Variants in GMDS observed in about 807,000 individuals in gnomAD.
GMDS encodes the protein GDP-mannose 4,6-dehydratase.
In GMDS, 20 loss-of-function variants were observed where a neutral mutation model predicts 49.9. The ratio of observed to expected loss-of-function variants is 0.40; its 90% confidence interval spans 0.28 to 0.58. GMDS has a LOEUF of 0.58. GMDS is among the 20% of genes least tolerant of loss of function. The pLI is 0.42. For missense variants in GMDS, 362 were observed against 481.4 expected (o/e 0.75, Z 2.32); for synonymous variants, 177 against 178.6 (o/e 0.99, Z 0.07).
intron 1 of GMDS, among the ~76,000 whole-genome samples, chr6:2,159,305 C>G (rs1007572345): frequency 1.3e-5 from 2 of 152,020 alleles, no homozygotes; most frequent in African/African-American, 4.8e-5. Context: ...TGCTAATTGC[C>G]TACTCTTGGG....
intron 7 of GMDS, among the ~76,000 whole-genome samples, chr6:1,756,356 C>T (rs943069281): frequency 5.3e-5 from 8 of 151,946 alleles, no homozygotes; most frequent in African/African-American, 1.2e-4. Flanking sequence ...CTCCGCCTCC[C>T]GTGTTCAAGC....
At chr6:2,121,532 A>T (rs967532138) in intron 2 of GMDS, among the ~76,000 whole-genome samples, 2 of 152,208 alleles carry the variant, frequency 1.3e-5, no homozygotes, top group African/African-American at 4.8e-5. Context: ...CATTCAGAGC[A>T]TGATCAGATG....
chr6:2,066,411 A>G (rs905636005), intron 4 of GMDS, among the ~76,000 whole-genome samples: 1 of 142,920 alleles, frequency 7.0e-6, no homozygotes, highest in Non-Finnish European at 1.5e-5. Flanking sequence ...AAATTCACAC[A>G]TAACAATATT....
intron 1 of GMDS, among the ~76,000 whole-genome samples, chr6:2,228,005 G>A (rs1780896329): frequency 6.6e-6 from 1 of 152,216 alleles, no homozygotes; most frequent in Non-Finnish European, 1.5e-5. Flanking sequence ...TCTACGCAGT[G>A]AAGTACAAGG....
chr6:1,707,088 G>A (rs1765766088), intron 9 of GMDS, among the ~76,000 whole-genome samples: 1 of 152,200 alleles, frequency 6.6e-6, no homozygotes, highest in African/African-American at 2.4e-5. Context: ...GGATAACAGA[G>A]TAGTATTTTA....
At chr6:1,740,429 T>C (rs1767224388) in intron 8 of GMDS, among the ~76,000 whole-genome samples, 1 of 151,994 alleles carries the variant, frequency 6.6e-6, no homozygotes, top group East Asian at 1.9e-4. Flanking sequence ...TGGTGGTCCA[T>C]GCCTGTAATC....
At chr6:1,821,716 C>T (rs997314602) in intron 7 of GMDS, among the ~76,000 whole-genome samples, 2 of 140,220 alleles carry the variant, frequency 1.4e-5, no homozygotes, top group East Asian at 4.6e-4. Context: ...CAAAACATAA[C>T]TGTGACATAA....
At chr6:2,099,295 G>C (rs1170186958) in intron 4 of GMDS, among the ~76,000 whole-genome samples, 3 of 152,122 alleles carry the variant, frequency 2.0e-5, no homozygotes, top group Non-Finnish European at 4.4e-5. Context: ...TTGTACTTGA[G>C]TGAAAGTACA....
At chr6:1,980,426 A>T (rs1279259663) in intron 4 of GMDS, among the ~76,000 whole-genome samples, 1 of 104,584 alleles carries the variant, frequency 9.6e-6, no homozygotes, top group Non-Finnish European at 2.3e-5. Context: ...TTAAACCAAC[A>T]AAGATTAAAA....
intron 7 of GMDS, among the ~76,000 whole-genome samples, chr6:1,916,338 G>C (rs982779666): frequency 1.3e-5 from 2 of 152,090 alleles, no homozygotes; most frequent in Non-Finnish European, 2.9e-5. Context: ...TCACGTGCGG[G>C]GGTGGGGGGC....
chr6:1,877,327 T>C lies in GMDS; in HGVS notation c.771+52776A>G, dbSNP rs147867142. Among the ~76,000 whole-genome samples, 234 of 152,146 alleles carry C rather than the reference T, an allele frequency of 1.5e-3. 1 individual carries two copies. Among genetic ancestry groups the C allele is most frequent in the African/African-American group, 5.1e-3 (213 of 41,488 alleles). On this transcript the variant is annotated intron_variant, in intron 7 of 10. Transcript: ENST00000380815. ...TAGATATCCATTAAAAAGTGCATTTTGGAGGAAAAATTTACAATTAAGATA... is the reference window on the plus strand; with the variant it reads ...TAGATATCCATTAAAAAGTGCATTTCGGAGGAAAAATTTACAATTAAGATA...
chr6:1,815,082 T>C (rs1561821573), intron 7 of GMDS, among the ~76,000 whole-genome samples: 1 of 152,210 alleles, frequency 6.6e-6, no homozygotes. Flanking sequence ...AATTCTGCTG[T>C]GGGTTAATCT....
At chr6:2,239,807 T>A (rs111602883) in intron 1 of GMDS, among the ~76,000 whole-genome samples, 6,233 of 151,968 alleles carry the variant, frequency 0.041, 420 homozygotes, top group African/African-American at 0.14. Context: ...TGCCTCAGCC[T>A]CCCAAGCAGC....
intron 7 of GMDS, among the ~76,000 whole-genome samples, chr6:1,795,015 C>A (rs1248799556): frequency 6.6e-6 from 1 of 152,016 alleles, no homozygotes; most frequent in Non-Finnish European, 1.5e-5. Flanking sequence ...CATAGCGAAG[C>A]CCCATCTCTA....
chr6:2,045,396 T>TC (rs759589865), intron 4 of GMDS, among the ~76,000 whole-genome samples: 11 of 151,952 alleles, frequency 7.2e-5, no homozygotes, highest in Non-Finnish European at 1.5e-4. Context: ...TTTTTCAGGT[T>TC]CTTTTTTTTT....
intron 7 of GMDS, among the ~76,000 whole-genome samples, chr6:1,896,427 G>A (rs914927388): frequency 2.6e-5 from 4 of 152,180 alleles, no homozygotes; most frequent in African/African-American, 7.2e-5. Context: ...GTCCTCACAC[G>A]AAGGACCTCA....
At chr6:1,739,542 C>T (rs1017410561) in intron 8 of GMDS, among the ~76,000 whole-genome samples, 56 of 152,382 alleles carry the variant, frequency 3.7e-4, no homozygotes, top group African/African-American at 1.3e-3. Context: ...TCCTCACACC[C>T]TGAAAACAGG....
intron 9 of GMDS, among the ~76,000 whole-genome samples, chr6:1,630,225 A>G (rs960601641): frequency 4.6e-5 from 7 of 152,264 alleles, no homozygotes; most frequent in African/African-American, 1.7e-4. Context: ...GTTTTAAAAC[A>G]TATTCTGGAG....
intron 1 of GMDS, among the ~76,000 whole-genome samples, chr6:2,138,695 G>A (rs1776131743): frequency 6.6e-6 from 1 of 152,046 alleles, no homozygotes; most frequent in South Asian, 2.1e-4. Flanking sequence ...ACGGTCTCAG[G>A]TATTCCTTTA....
Sources: allele counts gnomAD v4.1 joint callset (sites outside exome capture counted in the v4.1 genomes callset), GRCh38; gene constraint gnomAD v4.1.1; transcripts MANE v1.5; gene names NCBI Gene and HGNC (gene_info 2026-07-23, HGNC 2026-07-21).